Variants in CD8B observed in about 807,000 individuals in gnomAD.
CD8B encodes T-cell surface glycoprotein CD8 beta chain.
Under a neutral mutation model 24.2 loss-of-function variants are expected in CD8B, and 6 were observed. That is an observed-to-expected ratio of 0.25 (90% CI 0.14 to 0.49). The LOEUF (loss-of-function observed/expected upper bound fraction) is 0.49. CD8B is among the 20% of genes least tolerant of loss of function. The pLI, the probability that CD8B is intolerant of heterozygous loss-of-function variation, is 0.98. For synonymous variants in CD8B, 84 were observed against 108.3 expected, an observed-to-expected ratio of 0.78 and a Z score of 1.39; for missense variants, 196 against 271.3, an observed-to-expected ratio of 0.72 and a Z score of 1.95.
intron 3 of CD8B, among the ~76,000 whole-genome samples, chr2:86,848,589 AG>A (rs1402986113): frequency 6.6e-6 from 1 of 152,092 alleles, no homozygotes; most frequent in Non-Finnish European, 1.5e-5. Flanking sequence ...AAAATTGGAA[AG>A]CATTGTGGAT....
Position 86,839,909 on chromosome 2 carries a change from C to G in CD8B, c.*2398G>C, listed in dbSNP as rs556631577. On this transcript the variant is annotated 3_prime_UTR_variant, in exon 6 of 6. Coordinates refer to ENST00000390655, the MANE Select transcript of CD8B (RefSeq NM_004931.5). ...GAGGGGCCCACCTGAAACACGAACC[C>G]TAGAGGAGTCTGGTCCAGCTGACCC... Among the ~76,000 whole-genome samples, 1 of 152,270 alleles carries G rather than the reference C, an allele frequency of 6.6e-6. No individual in the cohort carries two copies. Among genetic ancestry groups the G allele is most frequent in the East Asian group, 1.9e-4 (1 of 5,170 alleles).
intron 4 of CD8B, among the ~76,000 whole-genome samples, chr2:86,846,019 A>G (rs1007018596): frequency 6.2e-4 from 95 of 152,348 alleles, no homozygotes; most frequent in African/African-American, 2.1e-3. Flanking sequence ...GAGGTGGCAC[A>G]GGTGAGCAGA....
chr2:86,829,255 T>C (rs1674815026), intron 5 of CD8B, among the ~76,000 whole-genome samples: 2 of 151,948 alleles, frequency 1.3e-5, no homozygotes, highest in Non-Finnish European at 2.9e-5. Context: ...TACAGGTGCA[T>C]GCCACCATGC....
chr2:86,820,090 G>A (rs1022676926), intron 5 of CD8B, among the ~76,000 whole-genome samples: 1 of 152,204 alleles, frequency 6.6e-6, no homozygotes, highest in African/African-American at 2.4e-5. Context: ...CACATGAGGA[G>A]TTTATTCTCT....
downstream of CD8B, among the ~76,000 whole-genome samples, chr2:86,834,006 A>G (rs1418392397): frequency 6.6e-6 from 1 of 152,142 alleles, no homozygotes; most frequent in East Asian, 1.9e-4. Context: ...GGGTATAGAT[A>G]GACAGCAACT....
chr2:86,858,821 C>T (rs1054109158), intron 1 of CD8B, among the ~76,000 whole-genome samples: 3 of 151,442 alleles, frequency 2.0e-5, no homozygotes, highest in Non-Finnish European at 2.9e-5. Context: ...TCATAGTACA[C>T]TTCAGCCTTG....
Position 86,843,364 on chromosome 2 carries a change from T to C in CD8B, c.621-1045A>G, listed in dbSNP as rs943881067. The C allele has an allele frequency of 3.6e-6, 3 of 827,124 alleles. No homozygotes were observed. In the African/African-American group the frequency reaches 5.5e-5, roughly 15 times the overall value. 51.2% of individuals were successfully genotyped at this position (827,124 alleles called of 1,614,324 possible). A position where few individuals can be genotyped will look rare whatever the true frequency, so the allele number is the denominator to read the frequency against. On this transcript the variant is annotated intron_variant, in intron 5 of 5. Coordinates refer to ENST00000390655, the MANE Select transcript of CD8B (RefSeq NM_004931.5). The stretch of plus-strand genomic sequence containing the variant: ...ACCTGCCTTGGGCCTCCCAAAGTGC[T>C]GGGATTACAGGCTTGAGCCACTGCA...
intron 5 of CD8B, among the ~76,000 whole-genome samples, chr2:86,825,818 A>ACCT (rs1306455811): frequency 6.6e-6 from 1 of 151,898 alleles, no homozygotes; most frequent in African/African-American, 2.4e-5. Context: ...CCCATGCCTC[A>ACCT]CCTCCTGCCC....
intron 5 of CD8B, among the ~76,000 whole-genome samples, chr2:86,818,168 C>A (rs1674330702): frequency 1.3e-5 from 2 of 151,998 alleles, no homozygotes; most frequent in South Asian, 4.2e-4. Context: ...GAGACTGTAC[C>A]ACTGCACTTC....
chr2:86,827,460 C>T (rs1042721240), intron 5 of CD8B, among the ~76,000 whole-genome samples: 34 of 151,778 alleles, frequency 2.2e-4, no homozygotes, highest in Non-Finnish European at 5.9e-5. Context: ...CCCATCTCCA[C>T]AAAAGTTAAA....
rs1364961840 is a variant in CD8B at position 86,838,757 on chromosome 2, C to T, written c.*3550G>A. ...GCTCAAGTGATCATTCTGTGTGGGC[C>T]TCCCAAAGTACTGGGATTACAGGCG... On this transcript the variant is annotated 3_prime_UTR_variant, in exon 6 of 6. Transcript: ENST00000390655. Among the ~76,000 whole-genome samples, 2 of 152,224 alleles carry T rather than the reference C, an allele frequency of 1.3e-5. No homozygotes were observed. Among genetic ancestry groups the T allele is most frequent in the Non-Finnish European group, 2.9e-5 (2 of 68,048 alleles).
At position 86,841,426 on chromosome 2, in the gene CD8B, G is replaced by T. The variant is rs1328432689; in HGVS notation, c.*881C>A. The T allele has an allele frequency of 3.0e-5, 9 of 304,980 alleles. No homozygotes were observed. The highest frequency in any genetic ancestry group is 4.3e-5 in the Non-Finnish European group (9 of 208,494). 18.9% of individuals were successfully genotyped at this position (304,980 alleles called of 1,614,324 possible). ...CTCTGGGTGCCCTGGGCGCTTCCTA[G>T]CCTCTCTAGGACTCTCCACACCTAC... On this transcript the variant is annotated 3_prime_UTR_variant, in exon 6 of 6. Coordinates refer to ENST00000390655, the MANE Select transcript of CD8B (RefSeq NM_004931.5).
intron 5 of CD8B, 116 bp from the exon 6 acceptor site, chr2:86,842,435 G>A (rs1675480216): frequency 2.9e-6 from 4 of 1,381,028 alleles, no homozygotes; most frequent in Non-Finnish European, 3.9e-6. Flanking sequence ...GTAGCCTGGG[G>A]CCGAGAGTTT....
intron 4 of CD8B, 63 bp from the exon 5 acceptor site, chr2:86,845,021 A>G (rs1330623300): frequency 1.3e-6 from 2 of 1,550,548 alleles, no homozygotes; most frequent in Non-Finnish European, 8.7e-7. Flanking sequence ...TGAGCCCCAG[A>G]GGCCAAGGAG....
rs941522434 is a variant in CD8B at position 86,839,473 on chromosome 2, A to T, written c.*2834T>A. Reference sequence around the variant, plus strand: ...GGATGGAGTTTGGGGGGCATATTTCATCATAATGGCCCTATAGAGTGTAGT... The same window carrying T: ...GGATGGAGTTTGGGGGGCATATTTCTTCATAATGGCCCTATAGAGTGTAGT... On this transcript the variant is annotated 3_prime_UTR_variant, in exon 6 of 6. Coordinates refer to ENST00000390655, the MANE Select transcript of CD8B (RefSeq NM_004931.5). Among the ~76,000 whole-genome samples, 5 of 152,224 alleles carry T rather than the reference A, an allele frequency of 3.3e-5. No homozygotes were observed. Among genetic ancestry groups the T allele is most frequent in the African/African-American group, 1.2e-4 (5 of 41,460 alleles).
At chr2:86,849,704 T>G (rs1675878459) in intron 3 of CD8B, among the ~76,000 whole-genome samples, 1 of 34,118 alleles carries the variant, frequency 2.9e-5, no homozygotes. Flanking sequence ...AACTAAGGTG[T>G]TTTTTTTTTT....
chr2:86,840,052 T>C lies in CD8B; in HGVS notation c.*2255A>G, dbSNP rs1419269940. On this transcript the variant is annotated 3_prime_UTR_variant, in exon 6 of 6. Transcript: ENST00000390655. ...CTTGCTGAGGCAGGAGTCTAGGGTCTGGGGGCAGGGAATCTAAGGCCAATT... is the reference window on the plus strand; with the variant it reads ...CTTGCTGAGGCAGGAGTCTAGGGTCCGGGGGCAGGGAATCTAAGGCCAATT... 6.6e-6 allele frequency among the ~76,000 whole-genome samples: 1 copy of C among 152,176 alleles called. No individual in the cohort carries two copies. The highest frequency in any genetic ancestry group is 2.4e-5 in the African/African-American group (1 of 41,454).
At chr2:86,828,990 T>A (rs1674798967) in intron 5 of CD8B, among the ~76,000 whole-genome samples, 1 of 151,904 alleles carries the variant, frequency 6.6e-6, no homozygotes, top group Non-Finnish European at 1.5e-5. Context: ...AATACTCAGA[T>A]GGAAGTACTG....
intron 1 of CD8B, among the ~76,000 whole-genome samples, chr2:86,860,223 T>C (rs1267594208): frequency 6.6e-6 from 1 of 152,260 alleles, no homozygotes; most frequent in African/African-American, 2.4e-5. Flanking sequence ...TGAGCCAAGA[T>C]TGCGCCACTG....
Sources: gnomAD v4.1 joint callset for allele counts (sites outside exome capture counted in the v4.1 genomes callset) on GRCh38, gnomAD v4.1.1 for gene constraint, MANE v1.5 for transcripts, NCBI Gene and HGNC (gene_info 2026-07-23, HGNC 2026-07-21) for gene names.